The following MOV10 variants were observed in gnomAD, a reference collection of about 807,000 sequenced individuals.
MOV10 encodes RNA helicase MOV-10.
Under a neutral mutation model 108.4 loss-of-function variants are expected in MOV10, and 39 were observed. The observed-to-expected ratio is 0.36, with a 90% CI of 0.28 to 0.47. The LOEUF (loss-of-function observed/expected upper bound fraction) is 0.47, where lower values mean the gene tolerates loss of function less well. MOV10 is among the 20% of genes least tolerant of loss of function. MOV10 has a pLI of 1.00. For synonymous variants in MOV10, 490 were observed against 523.1 expected (o/e 0.94, Z 0.86); for missense variants, 952 against 1,297.6 (o/e 0.73, Z 4.09).
intron 6 of MOV10, among the ~76,000 whole-genome samples, chr1:112,692,298 T>C (rs558876888): frequency 2.7e-4 from 41 of 152,324 alleles, no homozygotes; most frequent in African/African-American, 9.6e-4. Flanking sequence ...ATCATGCCAC[T>C]GCACTCCAGC....
At chr1:112,693,793 G>A (rs1203776772) in intron 7 of MOV10, 1 of 445,510 alleles carries the variant, frequency 2.2e-6, no homozygotes, top group Non-Finnish European at 4.1e-6. Context: ...CCGGGTTCCT[G>A]GGCTCGGCAT....
At chr1:112,688,407 G>A (rs956108241) in intron 2 of MOV10, 6 of 995,172 alleles carry the variant, frequency 6.0e-6, no homozygotes, top group Admixed American at 5.4e-5. Context: ...CTATGACTTC[G>A]GGTGGAAACT....
Position 112,691,692 on chromosome 1 carries a change from T to C in MOV10, c.864T>C (p.Ser288=), listed in dbSNP as rs746276140. Residue 288 remains serine (S), a synonymous_variant, in exon 6 of 21, where the codon AGT becomes AGC. Transcript: ENST00000369645. ...CTAAGGGCTATGACCTGGAGTTAAG[T>C]ATGGCGCTGGGGACATACTACCCAC... ...DRAKGYDLEL[S]MALGTYYPPP... 5.6e-6 allele frequency: 9 copies of C among 1,614,120 alleles called. No individual in the cohort carries two copies. Among genetic ancestry groups the C allele is most frequent in the Non-Finnish European group, 6.8e-6 (8 of 1,180,028 alleles).
At chr1:112,680,813 C>T (rs1042192076) in intron 2 of MOV10, among the ~76,000 whole-genome samples, 1 of 150,506 alleles carries the variant, frequency 6.6e-6, no homozygotes, top group African/African-American at 2.5e-5. Context: ...AGCAATTCTC[C>T]TGCCTCAGCC....
chr1:112,680,860 G>A (rs1033733032), intron 2 of MOV10, among the ~76,000 whole-genome samples: 1 of 151,474 alleles, frequency 6.6e-6, no homozygotes, highest in East Asian at 2.0e-4. Flanking sequence ...GAACCACCAT[G>A]CCTGGCTAAT....
Position 112,691,810 on chromosome 1 carries a change from T to A in MOV10, c.971+11T>A. 1 of 1,610,564 alleles carries A rather than the reference T, an allele frequency of 6.2e-7. No homozygotes were observed. Among genetic ancestry groups the A allele is most frequent in the African/African-American group, 1.3e-5 (1 of 74,960 alleles). On this transcript the variant is annotated intron_variant, in intron 6 of 20. Transcript: ENST00000369645. ...GATCGCAGAGATCAAGTAAGTACCA[T>A]CCCTCTGCACCCCGCACTCTCCCGT...
At position 112,693,974 on chromosome 1, in the gene MOV10, G is replaced by A. The variant is rs374629318; in HGVS notation, c.1141-44G>A. 2.9e-4 allele frequency: 458 copies of A among 1,605,158 alleles called. 1 individual carries two copies. Among genetic ancestry groups the A allele is most frequent in the South Asian group, 5.3e-4 (48 of 90,786 alleles). On this transcript the variant is annotated intron_variant, in intron 7 of 20. Coordinates refer to ENST00000369645, the MANE Select transcript of MOV10 (RefSeq NM_001321324.2). The stretch of plus-strand genomic sequence containing the variant: ...GAACCTGGGGGCTGGGCCCTCCAGC[G>A]TCCATCCCTGGGACAGAAGCTTGCT...
In MOV10 at chr1:112,696,203, A is replaced by T; in HGVS notation, c.1835A>T (p.Lys612Met). 1.2e-6 allele frequency: 2 copies of T among 1,614,034 alleles called. No individual in the cohort carries two copies. The highest frequency in any genetic ancestry group is 1.1e-5 in the South Asian group (1 of 91,038). The change falls in exon 12 of 21, where the codon AAG (lysine) becomes ATG (methionine). Residue 612 changes from lysine to methionine, a missense_variant. Coordinates refer to ENST00000369645, the MANE Select transcript of MOV10 (RefSeq NM_001321324.2). ...GAGTATGTATTTCCCGCCAAGAAGAAGCTGCAGGAATACCGGGTCTTAATT... is the reference window on the plus strand; with the variant it reads ...GAGTATGTATTTCCCGCCAAGAAGATGCTGCAGGAATACCGGGTCTTAATT... The part of the protein sequence containing the change: ...KGEYVFPAKK[K>M]LQEYRVLITT...
intron 5 of MOV10, among the ~76,000 whole-genome samples, chr1:112,690,490 G>A (rs1673483531): frequency 1.3e-5 from 2 of 152,104 alleles, no homozygotes; most frequent in African/African-American, 2.4e-5. Context: ...CTCCTGAGTA[G>A]CTGGGATTAC....
Position 112,695,970 on chromosome 1 carries a change from C to T in MOV10, c.1780-178C>T, listed in dbSNP as rs146957487. ...GGCACGAGAATTGCTTGAACCCAGG[C>T]GGCGGAGGTTGCAGTGGGCCAAGAT... On this transcript the variant is annotated intron_variant, in intron 11 of 20. Transcript: ENST00000369645. 4.6e-3 allele frequency among the ~76,000 whole-genome samples: 704 copies of T among 152,176 alleles called. 3 individuals carry two copies. The highest frequency in any genetic ancestry group is 0.015 in the African/African-American group (630 of 41,516).
In MOV10 at chr1:112,699,911, G is replaced by A. The variant is rs1474370765; in HGVS notation, c.2727G>A (p.Val909=). The A allele has an allele frequency of 1.3e-5, 21 of 1,613,974 alleles. No homozygotes were observed. Among genetic ancestry groups the A allele is most frequent in the Non-Finnish European group, 1.8e-5 (21 of 1,180,034 alleles). ...CCTTCCAGAGGTTCAATGTAGCTGT[G>A]ACCCGGGCCAAGGCCCTGCTCATCA... ...LKNPKRFNVA[V]TRAKALLIIV... The change falls in exon 19 of 21, where the codon GTG becomes GTA. Residue 909 remains valine, a synonymous_variant. Transcript: ENST00000369645.
At chr1:112,674,772 A>G in intron 1 of MOV10, 43 bp downstream of exon 1, 1 of 771,024 alleles carries the variant, frequency 1.3e-6, no homozygotes, top group Non-Finnish European at 2.0e-6. Flanking sequence ...GGGAGAAGGG[A>G]GCCCGCAGGA....
chr1:112,685,514 G>C (rs1461730516), intron 2 of MOV10, among the ~76,000 whole-genome samples: 1 of 151,800 alleles, frequency 6.6e-6, no homozygotes, highest in Non-Finnish European at 1.5e-5. Flanking sequence ...AATTAGCTGG[G>C]TGTGGTGGCG....
intron 2 of MOV10, among the ~76,000 whole-genome samples, chr1:112,676,540 C>T (rs1044284625): frequency 1.3e-5 from 2 of 152,034 alleles, no homozygotes; most frequent in Non-Finnish European, 2.9e-5. Flanking sequence ...AGCTCAATTC[C>T]GAATACAGCA....
intron 7 of MOV10, 123 bp downstream of exon 7, chr1:112,693,052 C>T (rs1300445709): frequency 3.9e-5 from 36 of 928,092 alleles, no homozygotes; most frequent in East Asian, 1.3e-4. Context: ...CCCAGGGCTC[C>T]GCAAGAAGCA....
Position 112,696,656 on chromosome 1 carries a change from G to A in MOV10, c.2008G>A (p.Asp670Asn), listed in dbSNP as rs776528287. The A allele has an allele frequency of 2.5e-6, 4 of 1,611,716 alleles. No homozygotes were observed. In the Admixed American group the frequency reaches 5.0e-5, roughly 20 times the overall value. The change falls in exon 14 of 21, where the codon GAT becomes AAT. Residue 670 changes from aspartate to asparagine, a missense_variant. This residue lies in a region of MOV10 where 453 missense variants were observed against 611.5 expected (regional missense o/e 0.74). Coordinates refer to ENST00000369645, the MANE Select transcript of MOV10 (RefSeq NM_001321324.2). ...GCTGATGGAAGTAAAGGAAACAGGTGATCCAGGAGGGCAGCTGGTGCTGGC... is the reference window on the plus strand; with the variant it reads ...GCTGATGGAAGTAAAGGAAACAGGTAATCCAGGAGGGCAGCTGGTGCTGGC... ...AGLMEVKETG[D>N]PGGQLVLAGD... is the part of the protein sequence containing the mutation.
chr1:112,692,656 A>G (rs1673687145), intron 6 of MOV10, 105 bp from the exon 7 acceptor site: 1 of 1,434,918 alleles, frequency 7.0e-7, no homozygotes, highest in Non-Finnish European at 9.3e-7. Context: ...TTTTGACGCT[A>G]GTTCCAGAGC....
chr1:112,699,230 G>A, intron 17 of MOV10: 1 of 226,084 alleles, frequency 4.4e-6, no homozygotes, highest in Non-Finnish European at 8.7e-6. Flanking sequence ...GGCAGAGCCA[G>A]GGCACTGGTA....
chr1:112,677,091 T>A (rs761129837), intron 2 of MOV10, among the ~76,000 whole-genome samples: 2 of 152,106 alleles, frequency 1.3e-5, no homozygotes, highest in African/African-American at 2.4e-5. Context: ...TTAGGGGATG[T>A]GATGGAGAAG....
Sources: gnomAD v4.1 joint callset for allele counts (sites outside exome capture counted in the v4.1 genomes callset) on GRCh38, gnomAD v4.1.1 for gene constraint, gnomAD v4.1.1 regional missense constraint, MANE v1.5 for transcripts, NCBI Gene and HGNC (gene_info 2026-07-23, HGNC 2026-07-21) for gene names.